The following FYN variants were observed in gnomAD, a reference collection of about 807,000 sequenced individuals.
The protein encoded by FYN is FYN proto-oncogene, Src family tyrosine kinase.
In FYN, 10 loss-of-function variants were observed where a neutral mutation model predicts 70.2. That is an observed-to-expected ratio of 0.14 (90% CI 0.09 to 0.24). The LOEUF (loss-of-function observed/expected upper bound fraction) is 0.24, where lower values mean the gene tolerates loss of function less well. Among genes scored for constraint, FYN ranks in the 10% least tolerant of loss-of-function variants. The pLI is 1.00. For synonymous variants in FYN, 236 were observed against 248.6 expected (o/e 0.95, Z 0.48); for missense variants, 319 against 673.1 (o/e 0.47, Z 5.82).
Position 111,694,269 on chromosome 6 carries a change from T to A in FYN, c.1273+106A>T. On this transcript the variant is annotated intron_variant, in intron 12 of 13. Coordinates refer to ENST00000354650, the MANE Select transcript of FYN (RefSeq NM_002037.5). This position sits in a 1 kb window ranked among gnomAD's most constrained non-coding sequence, Gnocchi z 5.0. ...CCAAACCAAGCTGAAGAATGACATT[T>A]CAAGTATTTTCTGAAGGAAGGGAAG... 1 of 1,407,198 alleles carries A rather than the reference T, an allele frequency of 7.1e-7. No homozygotes were observed. Among genetic ancestry groups the A allele is most frequent in the Non-Finnish European group, 9.8e-7 (1 of 1,017,514 alleles). 87.2% of individuals were successfully genotyped at this position (1,407,198 alleles called of 1,614,324 possible). A position where few individuals can be genotyped will look rare whatever the true frequency, so the allele number is the denominator to read the frequency against.
chr6:111,678,909 C>T (rs1275325652), intron 12 of FYN, among the ~76,000 whole-genome samples: 2 of 152,224 alleles, frequency 1.3e-5, no homozygotes, highest in African/African-American at 2.4e-5. Context: ...AGGTCCATTA[C>T]ATCCTGACCA....
At chr6:111,867,788 C>T (rs879752183) in intron 1 of FYN, among the ~76,000 whole-genome samples, 17 of 152,318 alleles carry the variant, frequency 1.1e-4, no homozygotes, top group African/African-American at 3.4e-4. Flanking sequence ...TGCCTGCCCT[C>T]GGTCAAAGGC....
chr6:111,705,766 T>C (rs1200644646), intron 6 of FYN, among the ~76,000 whole-genome samples: 2 of 152,142 alleles, frequency 1.3e-5, no homozygotes, highest in African/African-American at 4.8e-5. Flanking sequence ...CGAGAATTGC[T>C]TGAACCAGGG....
chr6:111,858,883 C>G (rs7768077), intron 1 of FYN, among the ~76,000 whole-genome samples: 6,659 of 151,024 alleles, frequency 0.044, 297 homozygotes, highest in African/African-American at 0.12. Context: ...ACAGGCCATT[C>G]TCCTAGAAGA....
chr6:111,753,614 G>T (rs1802581105), intron 3 of FYN, among the ~76,000 whole-genome samples: 1 of 151,552 alleles, frequency 6.6e-6, no homozygotes, highest in African/African-American at 2.4e-5. Flanking sequence ...AAATTAGTAA[G>T]GACAAATGTG....
intron 9 of FYN, among the ~76,000 whole-genome samples, chr6:111,697,607 C>T (rs761223528): frequency 2.0e-5 from 3 of 151,956 alleles, no homozygotes; most frequent in Non-Finnish European, 4.4e-5. Context: ...AAATATCTGC[C>T]CACTAAGCAT....
At chr6:111,845,635 C>G (rs755498781) in intron 2 of FYN, among the ~76,000 whole-genome samples, 3 of 152,196 alleles carry the variant, frequency 2.0e-5, no homozygotes, top group Non-Finnish European at 2.9e-5. Flanking sequence ...GCACTCAAAT[C>G]AAGATGAGAA....
At position 111,851,367 on chromosome 6, in the gene FYN, G is replaced by C. The variant is rs570650597; in HGVS notation, c.-122-4738C>G. Among the ~76,000 whole-genome samples, 4 of 152,294 alleles carry C rather than the reference G, an allele frequency of 2.6e-5. No homozygotes were observed. The South Asian group carries it at 8.3e-4, about 32-fold the overall frequency. The stretch of plus-strand genomic sequence containing the variant: ...ATGAAACCCCTGTTATGATACTGAA[G>C]CTTTTCCTTTTGGGCCAGTTTTTGT... On this transcript the variant is annotated intron_variant, in intron 1 of 13. Transcript: ENST00000354650.
chr6:111,781,039 T>C (rs1323838155), intron 2 of FYN: 1 of 152,256 alleles, frequency 6.6e-6, no homozygotes, highest in African/African-American at 2.4e-5. Flanking sequence ...TGTGAGACCC[T>C]GGACAGTTTT....
At chr6:111,774,342 G>T (rs188699572) in intron 3 of FYN, among the ~76,000 whole-genome samples, 2 of 152,304 alleles carry the variant, frequency 1.3e-5, no homozygotes, top group African/African-American at 4.8e-5. Flanking sequence ...AAAGGATCTG[G>T]ATTCAGATAG....
At chr6:111,740,712 G>C (rs1374223084) in intron 3 of FYN, among the ~76,000 whole-genome samples, 2 of 152,110 alleles carry the variant, frequency 1.3e-5, no homozygotes, top group East Asian at 1.9e-4. Context: ...ACACCTTTCT[G>C]TTCTTCTTTG....
At chr6:111,853,098 A>C (rs1411269218) in intron 1 of FYN, among the ~76,000 whole-genome samples, 1 of 138,820 alleles carries the variant, frequency 7.2e-6, no homozygotes, top group Non-Finnish European at 1.5e-5. Flanking sequence ...GCACCTTTCC[A>C]AATGTACTTA....
chr6:111,755,335 T>C (rs997334555), intron 3 of FYN, among the ~76,000 whole-genome samples: 8 of 152,182 alleles, frequency 5.3e-5, no homozygotes, highest in Admixed American at 1.3e-4. Flanking sequence ...AACTGGATAA[T>C]GCCAATGGAA....
chr6:111,733,818 T>A (rs772027134), intron 3 of FYN, among the ~76,000 whole-genome samples: 5 of 152,170 alleles, frequency 3.3e-5, no homozygotes, highest in Non-Finnish European at 5.9e-5. Context: ...CCAGGCACGG[T>A]GGCTCATGCC....
chr6:111,700,775 G>T (rs1259548865), intron 8 of FYN, among the ~76,000 whole-genome samples: 1 of 152,050 alleles, frequency 6.6e-6, no homozygotes, highest in African/African-American at 2.4e-5. Flanking sequence ...AGGGGATTAG[G>T]GATCTCTCTA....
At chr6:111,683,194 G>C (rs1462526850) in intron 12 of FYN, among the ~76,000 whole-genome samples, 2 of 152,228 alleles carry the variant, frequency 1.3e-5, no homozygotes, top group African/African-American at 4.8e-5. Context: ...ACTAAATGGT[G>C]GCACTGCCTT....
intron 1 of FYN, among the ~76,000 whole-genome samples, chr6:111,853,563 T>C (rs1314629212): frequency 1.3e-5 from 2 of 152,132 alleles, no homozygotes; most frequent in African/African-American, 4.8e-5. Flanking sequence ...TTTATCCTAA[T>C]TGCGACAGGA....
At chr6:111,670,185 G>C (rs761839136) in intron 13 of FYN, among the ~76,000 whole-genome samples, 1 of 152,158 alleles carries the variant, frequency 6.6e-6, no homozygotes, top group Non-Finnish European at 1.5e-5. Context: ...GAGCTAGAAA[G>C]GCCTTATCTG....
intron 2 of FYN, among the ~76,000 whole-genome samples, chr6:111,791,810 C>A (rs1253375169): frequency 1.3e-5 from 2 of 152,134 alleles, no homozygotes; most frequent in East Asian, 3.8e-4. Context: ...TTATAATAGC[C>A]TAGGAAATGA....
Sources: allele counts gnomAD v4.1 joint callset (sites outside exome capture counted in the v4.1 genomes callset), GRCh38; gene constraint gnomAD v4.1.1; non-coding constraint Gnocchi (gnomAD v3.1); transcripts MANE v1.5; gene names NCBI Gene and HGNC (gene_info 2026-07-23, HGNC 2026-07-21).